The following OR6C74 variants were observed in gnomAD, a reference collection of about 807,000 sequenced individuals.
OR6C74 encodes the protein olfactory receptor family 6 subfamily C member 74, also known as olfactory receptor 6C74.
For synonymous variants in OR6C74, 142 were observed against 134.2 expected, an observed-to-expected ratio of 1.06 and a Z score of -0.40; for missense variants, 361 against 362.9, an observed-to-expected ratio of 0.99 and a Z score of 0.04.
rs1312904352 is a variant in OR6C74, at chr12:55,244,720, A to AT, written c.-106dup. On this transcript the variant is annotated 5_prime_UTR_variant, in exon 1 of 2. An upstream open reading frame in the 5' UTR gains an earlier in-frame stop. Transcript: ENST00000343399. ...TATATGTATATATAGAAGAGATATG[A>AT]TAAACATAGAGGTAGATATATGCTC... 7.1e-6 allele frequency among the ~76,000 whole-genome samples: 1 copy of AT among 140,302 alleles called. No individual in the cohort carries two copies. The highest frequency in any genetic ancestry group is 1.6e-5 in the Non-Finnish European group (1 of 61,054). 92.0% of individuals were successfully genotyped at this position (140,302 alleles called of 152,430 possible).
rs935065160 is a variant in OR6C74, at chr12:55,255,631, T to A, written c.*7405T>A. 2.6e-5 allele frequency among the ~76,000 whole-genome samples: 4 copies of A among 152,260 alleles called. No homozygotes were observed. Among genetic ancestry groups the A allele is most frequent in the Middle Eastern group, 3.4e-3 (1 of 294 alleles). Reference sequence around the variant, plus strand: ...TAAAATATACATCCATAAAAAACGATGAGTTCATATCCTTTGCAGGGACAT... The same window carrying A: ...TAAAATATACATCCATAAAAAACGAAGAGTTCATATCCTTTGCAGGGACAT... On this transcript the variant is annotated 3_prime_UTR_variant, in exon 2 of 2. Coordinates refer to ENST00000343399, the MANE Select transcript of OR6C74 (RefSeq NM_001005490.2).
rs1432240967 is a variant in OR6C74, at chr12:55,252,584, T to C, written c.*4358T>C. ...TTTAATGAGTTTAAATAATTTCCAG[T>C]AACAAAAATCGTGGAAAGAATTTCA... On this transcript the variant is annotated 3_prime_UTR_variant, in exon 2 of 2. Coordinates refer to ENST00000343399, the MANE Select transcript of OR6C74 (RefSeq NM_001005490.2). 6.6e-6 allele frequency among the ~76,000 whole-genome samples: 1 copy of C among 151,944 alleles called. No homozygotes were observed. The highest frequency in any genetic ancestry group is 1.5e-5 in the Non-Finnish European group (1 of 67,876).
chr12:55,252,728 G>T lies in OR6C74; in HGVS notation c.*4502G>T, dbSNP rs987885829. Among the ~76,000 whole-genome samples the T allele has an allele frequency of 5.9e-5, 9 of 151,874 alleles. No individual in the cohort carries two copies. Among genetic ancestry groups the T allele is most frequent in the African/African-American group, 2.2e-4 (9 of 41,400 alleles). ...CAGAGTAAGGGGGTGATATCTTCAAGAAAACATATTACTGATGGAGACCTG... is the reference window on the plus strand; with the variant it reads ...CAGAGTAAGGGGGTGATATCTTCAATAAAACATATTACTGATGGAGACCTG... On this transcript the variant is annotated 3_prime_UTR_variant, in exon 2 of 2. Transcript: ENST00000343399.
chr12:55,247,841 T>A lies in OR6C74; in HGVS notation c.554T>A (p.Leu185His), dbSNP rs1342657143. ...TGTGATGTTTCTCCTATACTGCAGC[T>A]CTCTTGCACAGACACTGACATAATA... is the stretch of plus-strand genomic sequence containing the variant. ...FFCDVSPILQ[L>H]SCTDTDIIEL... Residue 185 changes from leucine to histidine, a missense_variant, in exon 2 of 2, where the codon CTC (leucine) becomes CAC (histidine). By Grantham distance (99) the Leu-to-His change is moderately conservative (BLOSUM62 -3). Coordinates refer to ENST00000343399, the MANE Select transcript of OR6C74 (RefSeq NM_001005490.2). 4 of 1,613,934 alleles carry A rather than the reference T, an allele frequency of 2.5e-6. No individual in the cohort carries two copies. The Admixed American group carries it at 5.0e-5, about 20-fold the overall frequency.
chr12:55,255,879 G>T lies in OR6C74; in HGVS notation c.*7653G>T, dbSNP rs1954340765. 6.6e-6 allele frequency among the ~76,000 whole-genome samples: 1 copy of T among 152,072 alleles called. No homozygotes were observed. The highest frequency in any genetic ancestry group is 1.5e-5 in the Non-Finnish European group (1 of 67,990). ...TTTATAGAGAAAGTAACATATCAGTGGTTGCCAGGACTTTGTTGGAGTAAG... is the reference window on the plus strand; with the variant it reads ...TTTATAGAGAAAGTAACATATCAGTTGTTGCCAGGACTTTGTTGGAGTAAG... On this transcript the variant is annotated 3_prime_UTR_variant, in exon 2 of 2. Coordinates refer to ENST00000343399, the MANE Select transcript of OR6C74 (RefSeq NM_001005490.2).
At chr12:55,245,437 T>C (rs1190596742) in intron 1 of OR6C74, among the ~76,000 whole-genome samples, 1 of 152,272 alleles carries the variant, frequency 6.6e-6, no homozygotes, top group Middle Eastern at 3.4e-3. Context: ...TTTCCCTATA[T>C]GTAGTCATGT....
rs1271728321 is a variant in OR6C74 at position 55,256,375 on chromosome 12, C to T, written c.*8149C>T. ...AGGCATACTCCCTTCTGATATTTTC[C>T]GGTCTAACCGGTTGTCTAGCTTCAC... On this transcript the variant is annotated 3_prime_UTR_variant, in exon 2 of 2. Transcript: ENST00000343399. 6.6e-5 allele frequency among the ~76,000 whole-genome samples: 10 copies of T among 152,010 alleles called. No homozygotes were observed. The highest frequency in any genetic ancestry group is 2.1e-4 in the South Asian group (1 of 4,826).
rs1954295665 is a variant in OR6C74 at position 55,249,090 on chromosome 12, G to T, written c.*864G>T. Among the ~76,000 whole-genome samples, 1 of 152,098 alleles carries T rather than the reference G, an allele frequency of 6.6e-6. No individual in the cohort carries two copies. Among genetic ancestry groups the T allele is most frequent in the Non-Finnish European group, 1.5e-5 (1 of 67,996 alleles). ...AGTGAAAATCTCTCTCTGCTCTTAA[G>T]TCACTTAGAATGCAAAAGAACAGTA... On this transcript the variant is annotated 3_prime_UTR_variant, in exon 2 of 2. Coordinates refer to ENST00000343399, the MANE Select transcript of OR6C74 (RefSeq NM_001005490.2).
rs1194522463 is a variant in OR6C74, at chr12:55,251,532, T to A, written c.*3306T>A. ...GTTCATCTATAAAATAAGATTAAAA[T>A]GTGGCATTTGATAGGGCTTAATATA... On this transcript the variant is annotated 3_prime_UTR_variant, in exon 2 of 2. Coordinates refer to ENST00000343399, the MANE Select transcript of OR6C74 (RefSeq NM_001005490.2). Among the ~76,000 whole-genome samples the A allele has an allele frequency of 1.3e-5, 2 of 151,964 alleles. No individual in the cohort carries two copies. The highest frequency in any genetic ancestry group is 2.9e-5 in the Non-Finnish European group (2 of 67,928).
Position 55,253,397 on chromosome 12 carries a change from T to C in OR6C74, c.*5171T>C, listed in dbSNP as rs1164139195. On this transcript the variant is annotated 3_prime_UTR_variant, in exon 2 of 2. Transcript: ENST00000343399. ...GCATCTTTGTTTTTTAAGTCTTTGA[T>C]GGTGGCACTAGCTTTGAAGCTTTTC... Among the ~76,000 whole-genome samples, 1 of 152,070 alleles carries C rather than the reference T, an allele frequency of 6.6e-6. No homozygotes were observed. Among genetic ancestry groups the C allele is most frequent in the Admixed American group, 6.6e-5 (1 of 15,242 alleles).
chr12:55,248,162 A>G lies in OR6C74; in HGVS notation c.875A>G (p.Asn292Ser). Reference protein sequence around the residue: ...MLNPFIYTLRNKQVKDVFKHT... With the variant: ...MLNPFIYTLRSKQVKDVFKHT... ...AATCCCTTTATTTATACACTGAGAA[A>G]CAAACAAGTAAAAGATGTTTTTAAG... The change falls in exon 2 of 2, where the codon AAC (asparagine) becomes AGC (serine). Residue 292 changes from asparagine (N) to serine (S), a missense_variant. By Grantham distance (46) the Asn-to-Ser change is conservative. Coordinates refer to ENST00000343399, the MANE Select transcript of OR6C74 (RefSeq NM_001005490.2). 6.2e-7 allele frequency: 1 copy of G among 1,613,708 alleles called. No homozygotes were observed. The highest frequency in any genetic ancestry group is 1.1e-5 in the South Asian group (1 of 90,984).
chr12:55,245,375 T>C (rs188881240), intron 1 of OR6C74, among the ~76,000 whole-genome samples: 496 of 152,264 alleles, frequency 3.3e-3, no homozygotes, highest in Middle Eastern at 0.01. Context: ...TTTGTAAACA[T>C]TGTGAAATAT....
At position 55,249,061 on chromosome 12, in the gene OR6C74, A is replaced by G. The variant is rs1448983658; in HGVS notation, c.*835A>G. Among the ~76,000 whole-genome samples, 1 of 152,188 alleles carries G rather than the reference A, an allele frequency of 6.6e-6. No homozygotes were observed. Among genetic ancestry groups the G allele is most frequent in the African/African-American group, 2.4e-5 (1 of 41,460 alleles). On this transcript the variant is annotated 3_prime_UTR_variant, in exon 2 of 2. Transcript: ENST00000343399. ...TCACCGCTTACACATTTTTAGCAAA[A>G]CGAAGTGAAAATCTCTCTCTGCTCT... is the stretch of plus-strand genomic sequence containing the variant.
chr12:55,253,769 G>A lies in OR6C74; in HGVS notation c.*5543G>A, dbSNP rs946428076. Among the ~76,000 whole-genome samples the A allele has an allele frequency of 2.6e-5, 4 of 152,046 alleles. No homozygotes were observed. The highest frequency in any genetic ancestry group is 5.9e-5 in the Non-Finnish European group (4 of 67,964). On this transcript the variant is annotated 3_prime_UTR_variant, in exon 2 of 2. Coordinates refer to ENST00000343399, the MANE Select transcript of OR6C74 (RefSeq NM_001005490.2). ...CACATATCTATTGAAGGACACTAGC[G>A]GAAGATTTGGATATTAATATGCATG...
chr12:55,245,053 CTT>C (rs1378470589), intron 1 of OR6C74, among the ~76,000 whole-genome samples: 3 of 148,948 alleles, frequency 2.0e-5, no homozygotes, highest in African/African-American at 7.3e-5. Flanking sequence ...ATCATACTAA[CTT>C]TGTTGCATGA....
chr12:55,244,888 T>C (rs757779076), intron 1 of OR6C74, among the ~76,000 whole-genome samples, 71 bp downstream of exon 1: 2 of 152,000 alleles, frequency 1.3e-5, no homozygotes, highest in Non-Finnish European at 2.9e-5. Flanking sequence ...ATGTATTTTT[T>C]GGATGAGAAA....
At position 55,247,338 on chromosome 12, in the gene OR6C74, T is replaced by C; in HGVS notation, c.51T>C (p.Asp17=). Residue 17 remains aspartate, a synonymous_variant, in exon 2 of 2, where the codon GAT becomes GAC. Coordinates refer to ENST00000343399, the MANE Select transcript of OR6C74 (RefSeq NM_001005490.2). ...ACTTTATTCTTCTTGGACTGACAGA[T>C]GATCCACAATTACAGGTGATTATTT... is the stretch of plus-strand genomic sequence containing the variant. ...VANFILLGLT[D]DPQLQVIIFL... 6.2e-7 allele frequency: 1 copy of C among 1,612,412 alleles called. No individual in the cohort carries two copies. The highest frequency in any genetic ancestry group is 8.5e-7 in the Non-Finnish European group (1 of 1,178,530).
rs547464754 is a variant in OR6C74, at chr12:55,253,535, C to T, written c.*5309C>T. ...ACTGTATGCACAGGACAACTTTGCA[C>T]ATGCACTAGGTTCACTGTAAAACAG... is the stretch of plus-strand genomic sequence containing the variant. On this transcript the variant is annotated 3_prime_UTR_variant, in exon 2 of 2. Transcript: ENST00000343399. 6.6e-6 allele frequency among the ~76,000 whole-genome samples: 1 copy of T among 152,200 alleles called. No individual in the cohort carries two copies. Among genetic ancestry groups the T allele is most frequent in the East Asian group, 1.9e-4 (1 of 5,174 alleles).
rs1033835536 is a variant in OR6C74 at position 55,256,530 on chromosome 12, A to C, written c.*8304A>C. Among the ~76,000 whole-genome samples the C allele has an allele frequency of 6.6e-6, 1 of 152,124 alleles. No individual in the cohort carries two copies. Among genetic ancestry groups the C allele is most frequent in the Non-Finnish European group, 1.5e-5 (1 of 67,996 alleles). On this transcript the variant is annotated 3_prime_UTR_variant, in exon 2 of 2. Coordinates refer to ENST00000343399, the MANE Select transcript of OR6C74 (RefSeq NM_001005490.2). ...AGGCTCTGTTAGAAATTACTGATGCACACACTATATTGTAAACTCTTATCT... is the reference window on the plus strand; with the variant it reads ...AGGCTCTGTTAGAAATTACTGATGCCCACACTATATTGTAAACTCTTATCT...
Sources: allele counts gnomAD v4.1 joint callset (sites outside exome capture counted in the v4.1 genomes callset), GRCh38; gene constraint gnomAD v4.1.1; transcripts MANE v1.5; gene names NCBI Gene and HGNC (gene_info 2026-07-23, HGNC 2026-07-21).